CUX2: variants seen among roughly 807,000 people sequenced by gnomAD.
CUX2 encodes homeobox protein cut-like 2.
In CUX2, 40 loss-of-function variants were observed where a neutral mutation model predicts 144.8. The observed-to-expected ratio is 0.28, with a 90% CI of 0.21 to 0.36. CUX2 has a LOEUF of 0.36. Among genes scored for constraint, CUX2 ranks in the 10% least tolerant of loss-of-function variants. The probability of loss-of-function intolerance (pLI) is 1.00; values close to 1 mark genes in which losing one functional copy is unlikely to be tolerated. For synonymous variants in CUX2, 827 were observed against 875.6 expected (o/e 0.94, Z 0.98); for missense variants, 1,615 against 1,994.0 (o/e 0.81, Z 3.62).
At chr12:111,070,983 G>C (rs550276556) in intron 1 of CUX2, among the ~76,000 whole-genome samples, 1 of 151,630 alleles carries the variant, frequency 6.6e-6, no homozygotes, top group African/African-American at 2.4e-5. Context: ...TTGTCTGCAG[G>C]TACCACCGTT....
intron 3 of CUX2, among the ~76,000 whole-genome samples, chr12:111,245,079 C>T (rs916557346): frequency 1.3e-5 from 2 of 152,142 alleles, no homozygotes; most frequent in East Asian, 3.9e-4. Flanking sequence ...GAAATGGAAG[C>T]AACTTCTCCC....
chr12:111,100,522 C>T (rs1392327686), intron 1 of CUX2, among the ~76,000 whole-genome samples: 1 of 151,870 alleles, frequency 6.6e-6, no homozygotes, highest in Non-Finnish European at 1.5e-5. Flanking sequence ...CACATGGGTG[C>T]GTGACTGGTG....
chr12:111,320,166 G>T lies in CUX2; in HGVS notation c.2157G>T (p.Arg719Ser). The change falls in exon 17 of 22, where the codon AGG becomes AGT. Residue 719 changes from arginine (R) to serine (S), a missense_variant. Physicochemically the swap from Arg to Ser is moderately radical, Grantham distance 110. Coordinates refer to ENST00000261726, the MANE Select transcript of CUX2 (RefSeq NM_015267.4). The surrounding 1 kb of genome is among the most constrained non-coding windows in gnomAD (Gnocchi z 8.1). ...TGCTGGAGATGGAGGTGGCGCCCAG[G>T]GGCCGCTCGGTGCCCCCCTCGCCCC... The part of the protein sequence containing the change: ...QALLEMEVAP[R>S]GRSVPPSPPE... The T allele has an allele frequency of 6.5e-7, 1 of 1,539,172 alleles. No homozygotes were observed.
chr12:111,034,302 T>C lies in CUX2; in HGVS notation c.63+62T>C, dbSNP rs541572799. ...AGCCCCCGGGCGCGCCCTGGGCGCATTGGGGAGGTCCCCGGGCGGGCAGGC... is the reference window on the plus strand; with the variant it reads ...AGCCCCCGGGCGCGCCCTGGGCGCACTGGGGAGGTCCCCGGGCGGGCAGGC... On this transcript the variant is annotated intron_variant, in intron 1 of 21. Transcript: ENST00000261726. This position sits in a 1 kb window ranked among gnomAD's most constrained non-coding sequence, Gnocchi z 4.2. The C allele has an allele frequency of 3.4e-5, 37 of 1,104,458 alleles. No homozygotes were observed. The highest frequency in any genetic ancestry group is 2.9e-4 in the African/African-American group (17 of 58,314). 68.4% of individuals were successfully genotyped at this position (1,104,458 alleles called of 1,614,324 possible).
At chr12:111,132,374 G>A (rs141797829) in intron 1 of CUX2, among the ~76,000 whole-genome samples, 4 of 152,166 alleles carry the variant, frequency 2.6e-5, no homozygotes, top group South Asian at 2.1e-4. Context: ...TGGGAGGGGC[G>A]GCTGTGAAGG....
Position 111,037,555 on chromosome 12 carries a change from A to T in CUX2, c.63+3315A>T, listed in dbSNP as rs1474926289. On this transcript the variant is annotated intron_variant, in intron 1 of 21. Transcript: ENST00000261726. The surrounding 1 kb of genome is among the most constrained non-coding windows in gnomAD (Gnocchi z 5.4). Reference sequence around the variant, plus strand: ...GCCACCCTACTCCGGCACTCCTGAAACTACCTCCCCCCGTCTTTGCTTCTT... The same window carrying T: ...GCCACCCTACTCCGGCACTCCTGAATCTACCTCCCCCCGTCTTTGCTTCTT... Among the ~76,000 whole-genome samples, 4 of 152,184 alleles carry T rather than the reference A, an allele frequency of 2.6e-5. No homozygotes were observed. The highest frequency in any genetic ancestry group is 5.9e-5 in the Non-Finnish European group (4 of 68,034).
chr12:111,332,258 G>A (rs1302834467), intron 18 of CUX2, among the ~76,000 whole-genome samples: 1 of 137,394 alleles, frequency 7.3e-6, no homozygotes, highest in African/African-American at 3.1e-5. Flanking sequence ...TCAGCCTCCC[G>A]AGTAGCTGGG....
rs1424414984 is a variant in CUX2 at position 111,160,129 on chromosome 12, A to G, written c.64-54071A>G. Among the ~76,000 whole-genome samples, 1 of 152,236 alleles carries G rather than the reference A, an allele frequency of 6.6e-6. No individual in the cohort carries two copies. The highest frequency in any genetic ancestry group is 1.5e-5 in the Non-Finnish European group (1 of 68,044). The stretch of plus-strand genomic sequence containing the variant: ...CTCCTGCTGGGTGCTGGGCGCTGGG[A>G]ATACAGCAATGAACAGAAGAATGTC... On this transcript the variant is annotated intron_variant, in intron 1 of 21. Coordinates refer to ENST00000261726, the MANE Select transcript of CUX2 (RefSeq NM_015267.4). This position sits in a 1 kb window ranked among gnomAD's most constrained non-coding sequence, Gnocchi z 4.1.
chr12:111,237,537 A>C, intron 3 of CUX2, among the ~76,000 whole-genome samples: 1 of 152,152 alleles, frequency 6.6e-6, no homozygotes, highest in African/African-American at 2.4e-5. Context: ...CCTGAACATA[A>C]CTCAGGCATC....
At chr12:111,172,700 A>G (rs1878623304) in intron 1 of CUX2, among the ~76,000 whole-genome samples, 1 of 152,166 alleles carries the variant, frequency 6.6e-6, no homozygotes, top group Non-Finnish European at 1.5e-5. Flanking sequence ...GGACATCTGT[A>G]GTTTAAAAGG....
chr12:111,147,592 C>T (rs960229908), intron 1 of CUX2, among the ~76,000 whole-genome samples: 2 of 152,146 alleles, frequency 1.3e-5, no homozygotes, highest in Non-Finnish European at 2.9e-5. Context: ...AGGTTGGGGG[C>T]CCCCAGATTG....
At chr12:111,300,803 C>T (rs149917494) in intron 9 of CUX2, among the ~76,000 whole-genome samples, 3 of 152,182 alleles carry the variant, frequency 2.0e-5, no homozygotes, top group African/African-American at 7.2e-5. Context: ...TCTGGGAGGC[C>T]GAGGTGGGAT....
rs972706157 is a variant in CUX2, at chr12:111,293,633, G to T, written c.560+64G>T. The T allele has an allele frequency of 2.0e-6, 3 of 1,528,878 alleles. No homozygotes were observed. Among genetic ancestry groups the T allele is most frequent in the African/African-American group, 2.8e-5 (2 of 72,662 alleles). 94.7% of individuals were successfully genotyped at this position (1,528,878 alleles called of 1,614,324 possible). On this transcript the variant is annotated intron_variant, in intron 6 of 21. Coordinates refer to ENST00000261726, the MANE Select transcript of CUX2 (RefSeq NM_015267.4). This position sits in a 1 kb window ranked among gnomAD's most constrained non-coding sequence, Gnocchi z 4.5. ...GGCAGGGCTCCTGCTGCCCCACCTG[G>T]CTGGGTCGTGGACGGGGAAAGTCTC...
chr12:111,279,207 C>T (rs1048654135), intron 4 of CUX2, among the ~76,000 whole-genome samples: 1 of 152,148 alleles, frequency 6.6e-6, no homozygotes, highest in African/African-American at 2.4e-5. Context: ...GTCAGGTCCC[C>T]TTATGGCATG....
At chr12:111,203,523 T>C (rs1006391480) in intron 1 of CUX2, among the ~76,000 whole-genome samples, 1 of 143,488 alleles carries the variant, frequency 7.0e-6, no homozygotes, top group Non-Finnish European at 1.5e-5. Context: ...GCAGCCTGGG[T>C]GACAGAGCAA....
At chr12:111,299,207 G>A (rs1020757452) in intron 9 of CUX2, among the ~76,000 whole-genome samples, 1 of 152,250 alleles carries the variant, frequency 6.6e-6, no homozygotes, top group African/African-American at 2.4e-5. Context: ...CCTGTGGGGT[G>A]GGAGAAGATG....
At chr12:111,180,857 C>G (rs79897864) in intron 1 of CUX2, among the ~76,000 whole-genome samples, 1,957 of 152,288 alleles carry the variant, frequency 0.013, 46 homozygotes, top group African/African-American at 0.045. Context: ...GGCCGAGAAC[C>G]CTTTCTGTAA....
chr12:111,338,524 C>T (rs750178292), intron 20 of CUX2, 50 bp downstream of exon 20: 1 of 1,540,958 alleles, frequency 6.5e-7, no homozygotes, highest in East Asian at 2.3e-5. Flanking sequence ...CAGATTTTCC[C>T]CAGAACCATA....
In CUX2 at chr12:111,310,630, G is replaced by T. The variant is rs1886849164; in HGVS notation, c.1848G>T (p.Leu616=). 6.2e-7 allele frequency: 1 copy of T among 1,609,354 alleles called. No homozygotes were observed. The highest frequency in any genetic ancestry group is 8.5e-7 in the Non-Finnish European group (1 of 1,176,610). Residue 616 remains leucine, a synonymous_variant, in exon 15 of 22, where the codon CTG becomes CTT. Coordinates refer to ENST00000261726, the MANE Select transcript of CUX2 (RefSeq NM_015267.4). This position sits in a 1 kb window ranked among gnomAD's most constrained non-coding sequence, Gnocchi z 7.9. ...CCTTCATCAAGATGAAGCAGTTCCTGTCGGATGAGCAGAATGTACTGGCGC... is the reference window on the plus strand; with the variant it reads ...CCTTCATCAAGATGAAGCAGTTCCTTTCGGATGAGCAGAATGTACTGGCGC... The part of the protein sequence containing the change: ...KEPFIKMKQF[L]SDEQNVLALR...
Sources: gnomAD v4.1 joint callset for allele counts (sites outside exome capture counted in the v4.1 genomes callset) on GRCh38, gnomAD v4.1.1 for gene constraint, Gnocchi (gnomAD v3.1) non-coding constraint, MANE v1.5 for transcripts, NCBI Gene and HGNC (gene_info 2026-07-23, HGNC 2026-07-21) for gene names.